NELL1: variants seen among roughly 807,000 people sequenced by gnomAD.
The protein encoded by NELL1 is protein kinase C-binding protein NELL1.
In NELL1, 76 loss-of-function variants were observed where a neutral mutation model predicts 107.4. The ratio of observed to expected loss-of-function variants is 0.71; its 90% CI spans 0.59 to 0.86. NELL1 has a LOEUF of 0.86. Among genes scored for constraint, NELL1 ranks in the 40% least tolerant of loss-of-function variants. The pLI, the probability that NELL1 is intolerant of heterozygous loss-of-function variation, is 0.00. For synonymous variants in NELL1, 353 were observed against 341.2 expected (o/e 1.03, Z -0.38); for missense variants, 1,024 against 1,005.5 (o/e 1.02, Z -0.25).
At chr11:20,694,900 G>T (rs906570045) in intron 2 of NELL1, among the ~76,000 whole-genome samples, 5 of 151,890 alleles carry the variant, frequency 3.3e-5, no homozygotes, top group African/African-American at 1.2e-4. Flanking sequence ...TCATTTTAAT[G>T]ATAGTGATTC....
Position 21,575,275 on chromosome 11 carries a change from G to T in NELL1, c.*253G>T. The T allele has an allele frequency of 2.3e-6, 1 of 432,168 alleles. No homozygotes were observed. 26.8% of individuals were successfully genotyped at this position (432,168 alleles called of 1,614,324 possible). On this transcript the variant is annotated 3_prime_UTR_variant, in exon 20 of 20. Coordinates refer to ENST00000357134, the MANE Select transcript of NELL1 (RefSeq NM_006157.5). ...CAATGGTTGTTAAAAGAAGTTTCCCGTGTTGTAAATCATGTTTCCCTTATC... is the reference window on the plus strand; with the variant it reads ...CAATGGTTGTTAAAAGAAGTTTCCCTTGTTGTAAATCATGTTTCCCTTATC...
At chr11:20,792,935 A>AT (rs1491411088) in intron 3 of NELL1, among the ~76,000 whole-genome samples, 2 of 151,614 alleles carry the variant, frequency 1.3e-5, no homozygotes, top group Non-Finnish European at 2.9e-5. Context: ...GGCTTTTTGA[A>AT]TTTTTTATGT....
chr11:21,526,050 T>C (rs192874287), intron 15 of NELL1, among the ~76,000 whole-genome samples: 12 of 152,330 alleles, frequency 7.9e-5, no homozygotes, highest in Non-Finnish European at 1.8e-4. Flanking sequence ...AAGTCTCATC[T>C]GACACAAGGC....
At chr11:21,124,540 A>C (rs1454521201) in intron 13 of NELL1, among the ~76,000 whole-genome samples, 1 of 152,180 alleles carries the variant, frequency 6.6e-6, no homozygotes, top group African/African-American at 2.4e-5. Flanking sequence ...CTGGAAGCTA[A>C]GAATTTCAAG....
At chr11:20,946,639 C>T (rs557808456) in intron 10 of NELL1, among the ~76,000 whole-genome samples, 4 of 152,330 alleles carry the variant, frequency 2.6e-5, no homozygotes, top group African/African-American at 7.2e-5. Context: ...TCCCTTCTTC[C>T]TTTATTCCAC....
At chr11:21,375,885 C>CAGTTTTTT (rs79980341) in intron 15 of NELL1, among the ~76,000 whole-genome samples, 89,595 of 151,212 alleles carry the variant, frequency 0.59, 27,336 homozygotes, top group Non-Finnish European at 0.67. Context: ...TGTCTCTTGT[C>CAGTTTTTT]AATGGAGTTA....
chr11:21,370,608 C>T (rs1851335421), intron 14 of NELL1, among the ~76,000 whole-genome samples: 1 of 152,040 alleles, frequency 6.6e-6, no homozygotes, highest in South Asian at 2.1e-4. Context: ...CTACTAGCTA[C>T]CATTTAGCGC....
At chr11:21,048,421 G>A (rs1853409226) in intron 12 of NELL1, among the ~76,000 whole-genome samples, 1 of 152,070 alleles carries the variant, frequency 6.6e-6, no homozygotes, top group African/African-American at 2.4e-5. Context: ...ATCCTCATTT[G>A]CATTCCTAAT....
At chr11:21,150,385 G>A (rs890876007) in intron 13 of NELL1, among the ~76,000 whole-genome samples, 1 of 152,194 alleles carries the variant, frequency 6.6e-6, no homozygotes, top group African/African-American at 2.4e-5. Context: ...TGGATTCCTT[G>A]TTTGCTTCAG....
chr11:20,709,200 T>G (rs1855050335), intron 2 of NELL1, among the ~76,000 whole-genome samples: 1 of 152,152 alleles, frequency 6.6e-6, no homozygotes, highest in Non-Finnish European at 1.5e-5. Flanking sequence ...TGACCCATCT[T>G]GAGTTGATTT....
intron 2 of NELL1, among the ~76,000 whole-genome samples, chr11:20,709,797 T>C (rs1850875): frequency 0.44 from 67,596 of 151,930 alleles, 16,704 homozygotes; most frequent in Middle Eastern, 0.61. Context: ...TTATTATTCT[T>C]ATTTTTTGCA....
chr11:20,814,132 A>T (rs1430181018), intron 3 of NELL1, among the ~76,000 whole-genome samples: 1 of 151,540 alleles, frequency 6.6e-6, no homozygotes, highest in Admixed American at 6.6e-5. Context: ...AGTAGTTGGG[A>T]CTACAGGCGC....
chr11:20,908,753 G>A (rs1249655849), intron 5 of NELL1, among the ~76,000 whole-genome samples: 2 of 152,196 alleles, frequency 1.3e-5, no homozygotes, highest in East Asian at 1.9e-4. Context: ...CGCAGCTGCT[G>A]TGGAAAACAG....
intron 13 of NELL1, among the ~76,000 whole-genome samples, chr11:21,193,669 T>C (rs1857092980): frequency 2.0e-5 from 3 of 151,886 alleles, no homozygotes; most frequent in Non-Finnish European, 1.5e-5. Context: ...TGATTTGTGA[T>C]TCTGCAAAGT....
rs184792094 is a variant in NELL1, at chr11:20,830,179, G to A, written c.336-17404G>A. 2.0e-5 allele frequency among the ~76,000 whole-genome samples: 3 copies of A among 151,494 alleles called. No individual in the cohort carries two copies. In the East Asian group the frequency reaches 5.9e-4, roughly 30 times the overall value. Reference sequence around the variant, plus strand: ...CTCAGCTACTTGGGAGGCTGAGGCAGGAGAATTGCTTGAACTTGGGAGATG... The same window carrying A: ...CTCAGCTACTTGGGAGGCTGAGGCAAGAGAATTGCTTGAACTTGGGAGATG... On this transcript the variant is annotated intron_variant, in intron 3 of 19. Coordinates refer to ENST00000357134, the MANE Select transcript of NELL1 (RefSeq NM_006157.5).
intron 12 of NELL1, among the ~76,000 whole-genome samples, chr11:21,015,157 T>A (rs1004695720): frequency 6.6e-6 from 1 of 152,086 alleles, no homozygotes; most frequent in Non-Finnish European, 1.5e-5. Flanking sequence ...GTGAGTGTAG[T>A]GCTCAATTTT....
intron 15 of NELL1, chr11:21,504,051 G>C (rs1855218763): frequency 6.6e-6 from 1 of 152,176 alleles, no homozygotes. Context: ...ACACAAATTA[G>C]TGAATAACTT....
At chr11:20,906,135 T>A in intron 5 of NELL1, among the ~76,000 whole-genome samples, 1 of 152,128 alleles carries the variant, frequency 6.6e-6, no homozygotes, top group East Asian at 1.9e-4. Context: ...GGTTGTCATA[T>A]TTAAAGTAGG....
intron 1 of NELL1, among the ~76,000 whole-genome samples, chr11:20,671,685 G>C (rs371240182): frequency 6.6e-6 from 1 of 152,068 alleles, no homozygotes; most frequent in Non-Finnish European, 1.5e-5. Flanking sequence ...ATGCAAAGAG[G>C]AAATGACAGT....
Sources: allele counts gnomAD v4.1 joint callset (sites outside exome capture counted in the v4.1 genomes callset), GRCh38; gene constraint gnomAD v4.1.1; transcripts MANE v1.5; gene names NCBI Gene and HGNC (gene_info 2026-07-23, HGNC 2026-07-21).